GBP4: variants seen among roughly 807,000 people sequenced by gnomAD.
GBP4 encodes the protein guanylate-binding protein 4.
A neutral mutation model predicts 62.2 loss-of-function variants in GBP4; 69 were observed. The ratio of observed to expected loss-of-function variants is 1.11; its 90% CI spans 0.91 to 1.36. The LOEUF is 1.36. Among genes scored for constraint, GBP4 ranks in the 40% most tolerant of loss-of-function variants. GBP4 has a pLI of 0.00. For synonymous variants in GBP4, 278 were observed against 274.6 expected (o/e 1.01, Z -0.12); for missense variants, 697 against 759.3 (o/e 0.92, Z 0.96).
Position 89,186,445 on chromosome 1 carries a change from T to C in GBP4, c.1595A>G (p.Glu532Gly). 2 of 1,612,320 alleles carry C rather than the reference T, an allele frequency of 1.2e-6. No homozygotes were observed. Among genetic ancestry groups the C allele is most frequent in the South Asian group, 2.2e-5 (2 of 91,052 alleles). The change falls in exon 10 of 11, where the codon GAG becomes GGG. Residue 532 changes from glutamate (E) to glycine (G), a missense_variant. Transcript: ENST00000355754. ...TTCCTGGAAGCTTCTCTCTTGAGCC[T>C]CCATCATTTGCTGCTGCTCCTTCTG... ...EKQKEQQQMMEAQERSFQEYM... is the reference protein window; with the variant it reads ...EKQKEQQQMMGAQERSFQEYM...
In GBP4 at chr1:89,191,319, A is replaced by G. The variant is rs770497292; in HGVS notation, c.858T>C (p.Tyr286=). The stretch of plus-strand genomic sequence containing the variant: ...TCTTGGTCTTTGCATGGGTGAAGAT[A>G]TAAGAACAGAAGTTGTCTGATTGCA... The part of the protein sequence containing the change: ...FLMQSDNFCS[Y]IFTHAKTKTL... The change falls in exon 6 of 11, where the codon TAT becomes TAC. Residue 286 remains tyrosine, a synonymous_variant. Coordinates refer to ENST00000355754, the MANE Select transcript of GBP4 (RefSeq NM_052941.5). The G allele has an allele frequency of 6.2e-6, 10 of 1,614,240 alleles. No individual in the cohort carries two copies. Among genetic ancestry groups the G allele is most frequent in the Non-Finnish European group, 8.5e-6 (10 of 1,180,024 alleles).
rs375364072 is a variant in GBP4 at position 89,191,439 on chromosome 1, C to G, written c.738G>C (p.Arg246=). ...RECIRHFFRK[R]KCFVFDRPTN... is the part of the protein sequence containing the mutation. ...TAGGCCGGTCAAAGACAAAGCACTT[C>G]CGTTTTCGGAAGAAATGCCTGATAC... Residue 246 remains arginine, a synonymous_variant, in exon 6 of 11, where the codon CGG becomes CGC. Transcript: ENST00000355754. 1 of 1,614,062 alleles carries G rather than the reference C, an allele frequency of 6.2e-7. No homozygotes were observed. Among genetic ancestry groups the G allele is most frequent in the Non-Finnish European group, 8.5e-7 (1 of 1,180,010 alleles).
intron 3 of GBP4, 139 bp downstream of exon 3, chr1:89,195,158 G>T: frequency 2.4e-6 from 2 of 826,212 alleles, no homozygotes; most frequent in South Asian, 1.8e-5. Context: ...AATTAATAAG[G>T]AAGTCTGAGG....
chr1:89,181,582 A>G lies in GBP4; in HGVS notation c.*3672T>C, dbSNP rs953964491. 1.3e-5 allele frequency: 2 copies of G among 152,034 alleles called. No individual in the cohort carries two copies. Among genetic ancestry groups the G allele is most frequent in the Non-Finnish European group, 2.9e-5 (2 of 68,016 alleles). 9.4% of individuals were successfully genotyped at this position (152,034 alleles called of 1,614,324 possible). A position where few individuals can be genotyped will look rare whatever the true frequency, so the allele number is the denominator to read the frequency against. On this transcript the variant is annotated 3_prime_UTR_variant, in exon 11 of 11. Transcript: ENST00000355754. ...ATATATTTACTAAACATATACATTT[A>G]TATTTATATGTACTATATAAATACC...
chr1:89,197,635 A>C (rs1557477511), intron 1 of GBP4, among the ~76,000 whole-genome samples: 1 of 152,220 alleles, frequency 6.6e-6, no homozygotes, highest in Non-Finnish European at 1.5e-5. Flanking sequence ...AAATCAAGGC[A>C]CTGATGGCAG....
rs1164995824 is a variant in GBP4 at position 89,193,379 on chromosome 1, G to A, written c.397C>T (p.Leu133=). 1 of 1,613,984 alleles carries A rather than the reference G, an allele frequency of 6.2e-7. No individual in the cohort carries two copies. The highest frequency in any genetic ancestry group is 1.7e-5 in the Admixed American group (1 of 59,988). ...AAGCTGCTGCTTAGAAGCACAGCCA[G>A]GGCAAAGATCCACGAGTCATTCTTA... The part of the protein sequence containing the change: ...NPKNDSWIFA[L]AVLLSSSFVY... The change falls in exon 4 of 11, where the codon CTG becomes TTG. Residue 133 remains leucine (L), a synonymous_variant. Coordinates refer to ENST00000355754, the MANE Select transcript of GBP4 (RefSeq NM_052941.5).
rs1264952831 is a variant in GBP4, at chr1:89,191,257, T to C, written c.916+4A>G. On this transcript the variant is annotated splice_donor_region_variant and intron_variant, in intron 6 of 10. Coordinates refer to ENST00000355754, the MANE Select transcript of GBP4 (RefSeq NM_052941.5). Reference sequence around the variant, plus strand: ...GACATGCTTTGGGACAAAAAAAGACTCACGCTTTCCAGTGACAATGATTCC... The same window carrying C: ...GACATGCTTTGGGACAAAAAAAGACCCACGCTTTCCAGTGACAATGATTCC... 6.2e-7 allele frequency: 1 copy of C among 1,610,294 alleles called. No individual in the cohort carries two copies. Among genetic ancestry groups the C allele is most frequent in the Admixed American group, 1.7e-5 (1 of 59,958 alleles).
At position 89,190,121 on chromosome 1, in the gene GBP4, C is replaced by T; in HGVS notation, c.1114G>A (p.Ala372Thr). 3 of 1,614,218 alleles carry T rather than the reference C, an allele frequency of 1.9e-6. No individual in the cohort carries two copies. The highest frequency in any genetic ancestry group is 2.7e-5 in the African/African-American group (2 of 75,060). The change falls in exon 7 of 11, where the codon GCA becomes ACA. Residue 372 changes from alanine (A) to threonine (T), a missense_variant. This residue lies in a region of GBP4 where 556 missense variants were observed against 562.7 expected (regional missense o/e 0.99). Coordinates refer to ENST00000355754, the MANE Select transcript of GBP4 (RefSeq NM_052941.5). ...DTLQELLDVH[A>T]ACEREAIAVF... The stretch of plus-strand genomic sequence containing the variant: ...GCAATGGCTTCCCTCTCACAGGCTG[C>T]ATGCACGTCCAGCAGCTCCTGGAGC...
At chr1:89,185,582 T>C in intron 10 of GBP4, 113 bp from the exon 11 acceptor site, 1 of 634,108 alleles carries the variant, frequency 1.6e-6, no homozygotes, top group Non-Finnish European at 2.8e-6. Context: ...TCTATTATCT[T>C]AGAAAACGCT....
chr1:89,198,271 C>A (rs1648401039), intron 1 of GBP4, among the ~76,000 whole-genome samples: 1 of 151,802 alleles, frequency 6.6e-6, no homozygotes, highest in South Asian at 2.1e-4. Flanking sequence ...TAATTGCATT[C>A]TTGGATGTGC....
Position 89,193,013 on chromosome 1 carries a change from G to GAAACTCGC in GBP4, c.553_560dup (p.Phe187LeufsTer19). 1 of 1,614,178 alleles carries GAAACTCGC rather than the reference G, an allele frequency of 6.2e-7. No individual in the cohort carries two copies. The highest frequency in any genetic ancestry group is 8.5e-7 in the Non-Finnish European group (1 of 1,180,034). On this transcript the variant is annotated frameshift_variant, in exon 5 of 11. Coordinates refer to ENST00000355754, the MANE Select transcript of GBP4 (RefSeq NM_052941.5). LOFTEE classifies it high-confidence loss of function. ...GAACAGTCCAAATAAAGTCTGGAAA[G>GAAACTCGC]AAACTCGCAAACTCGCTGGAGTCCT...
In GBP4 at chr1:89,198,851, G is replaced by A. The variant is rs74098349; in HGVS notation, c.-17C>T. 3,440 of 1,612,742 alleles carry A rather than the reference G, an allele frequency of 2.1e-3. 82 individuals carry two copies. In the African/African-American group the frequency reaches 0.04, roughly 19 times the overall value. ...CTCACCCATTGCTCTGTCCTCCTGC[G>A]CCTGGATCCTCGAGAAACGGACTGT... On this transcript the variant is annotated 5_prime_UTR_variant, in exon 1 of 11. Transcript: ENST00000355754.
At position 89,185,108 on chromosome 1, in the gene GBP4, T is replaced by C; in HGVS notation, c.*146A>G. The C allele has an allele frequency of 1.9e-6, 1 of 529,098 alleles. No individual in the cohort carries two copies. Among genetic ancestry groups the C allele is most frequent in the East Asian group, 3.1e-5 (1 of 32,576 alleles). The allele number at this position is 529,098 out of a possible 1,614,324, so 32.8% of individuals were successfully genotyped here. ...GTTTTTTGTGGATGTCAGGCCCTGA[T>C]ATTCTTTGATAATCACTTTTTAATT... On this transcript the variant is annotated 3_prime_UTR_variant, in exon 11 of 11. Coordinates refer to ENST00000355754, the MANE Select transcript of GBP4 (RefSeq NM_052941.5).
chr1:89,185,415 T>A lies in GBP4; in HGVS notation c.1762A>T (p.Lys588Ter). ...TTTTCTTTCAGTTGATTAATCTCTTTATTTAACTGCTCAGATTTCTTTTGA... is the reference window on the plus strand; with the variant it reads ...TTTTCTTTCAGTTGATTAATCTCTTAATTTAACTGCTCAGATTTCTTTTGA... ...EFQKKSEQLN[K>*]EINQLKEKIE... The change falls in exon 11 of 11, where the codon AAA (lysine) becomes TAA (stop). Residue 588 changes from lysine to a stop codon, truncating the protein, a stop_gained. Coordinates refer to ENST00000355754, the MANE Select transcript of GBP4 (RefSeq NM_052941.5). LOFTEE classifies it low-confidence loss of function (END_TRUNC). 2 of 1,581,706 alleles carry A rather than the reference T, an allele frequency of 1.3e-6. No homozygotes were observed. The highest frequency in any genetic ancestry group is 1.7e-6 in the Non-Finnish European group (2 of 1,150,640).
At chr1:89,185,501 TC>T in intron 10 of GBP4, 32 bp from the exon 11 acceptor site, 1 of 1,159,580 alleles carries the variant, frequency 8.6e-7, no homozygotes, top group Non-Finnish European at 1.3e-6. Flanking sequence ...CTTTTGAAAA[TC>T]TCCAATTTTC....
intron 3 of GBP4, among the ~76,000 whole-genome samples, chr1:89,194,278 TA>T (rs1557476120): frequency 6.6e-6 from 1 of 152,180 alleles, no homozygotes; most frequent in Non-Finnish European, 1.5e-5. Flanking sequence ...AAAGGGTTTT[TA>T]AAAAAATTTA....
Position 89,197,185 on chromosome 1 carries a change from C to T in GBP4, c.160G>A (p.Val54Met). The T allele has an allele frequency of 6.2e-7, 1 of 1,614,162 alleles. No individual in the cohort carries two copies. The highest frequency in any genetic ancestry group is 1.1e-5 in the South Asian group (1 of 91,078). Residue 54 changes from valine (V) to methionine (M), a missense_variant, in exon 2 of 11, where the codon GTG (valine) becomes ATG (methionine). Around this residue, in one of 2 missense-constraint regions of GBP4, gnomAD observed 556 missense variants for 562.7 expected, o/e 0.99. Coordinates refer to ENST00000355754, the MANE Select transcript of GBP4 (RefSeq NM_052941.5). ...TATAGCCCTACAATGGCCACCACCA[C>T]CACGGGCTGAGAAATCTTGTCAAGA... is the stretch of plus-strand genomic sequence containing the variant. ...EILDKISQPVVVVAIVGLYRT... is the reference protein window; with the variant it reads ...EILDKISQPVMVVAIVGLYRT...
chr1:89,191,430 A>G lies in GBP4; in HGVS notation c.747T>C (p.Phe249=). 6.2e-7 allele frequency: 1 copy of G among 1,614,238 alleles called. No individual in the cohort carries two copies. ...TGTCATTTGTAGGCCGGTCAAAGAC[A>G]AAGCACTTCCGTTTTCGGAAGAAAT... ...IRHFFRKRKC[F]VFDRPTNDKQ... Residue 249 remains phenylalanine (F), a synonymous_variant, in exon 6 of 11, where the codon TTT becomes TTC. Transcript: ENST00000355754.
At position 89,198,870 on chromosome 1, in the gene GBP4, G is replaced by T; in HGVS notation, c.-36C>A. The T allele has an allele frequency of 6.2e-7, 1 of 1,605,286 alleles. No homozygotes were observed. The highest frequency in any genetic ancestry group is 8.5e-7 in the Non-Finnish European group (1 of 1,171,910). On this transcript the variant is annotated 5_prime_UTR_variant, in exon 1 of 11. Transcript: ENST00000355754. ...TCCTGCGCCTGGATCCTCGAGAAAC[G>T]GACTGTTCTTAGAAGCTGAAAGTCC...
Sources: allele counts gnomAD v4.1 joint callset (sites outside exome capture counted in the v4.1 genomes callset), GRCh38; gene constraint gnomAD v4.1.1; regional missense constraint gnomAD v4.1.1; transcripts MANE v1.5; gene names NCBI Gene and HGNC (gene_info 2026-07-23, HGNC 2026-07-21).